The following LRRC8A variants were observed in gnomAD, a reference collection of about 807,000 sequenced individuals.
LRRC8A encodes the protein volume-regulated anion channel subunit LRRC8A.
Under a neutral mutation model 52.5 loss-of-function variants are expected in LRRC8A, and 24 were observed. That is an observed-to-expected ratio of 0.46 (90% CI 0.33 to 0.64). The LOEUF (loss-of-function observed/expected upper bound fraction) is 0.64. Ranked by LOEUF, LRRC8A falls within the 30% of genes least tolerant of loss-of-function variation. The pLI, the probability that LRRC8A is intolerant of heterozygous loss-of-function variation, is 0.02. For synonymous variants in LRRC8A, 492 were observed against 494.2 expected (o/e 1.00, Z 0.06); for missense variants, 677 against 1,094.7 (o/e 0.62, Z 5.38).
rs1462735320 is a variant in LRRC8A at position 128,916,125 on chromosome 9, G to A, written c.2187G>A (p.Gln729=). ...RIETLPPELF[Q]CRKLRALHLG... is the part of the protein sequence containing the mutation. Reference sequence around the variant, plus strand: ...AGACGCTCCCTCCGGAGCTCTTCCAGTGCCGGAAGCTGCGGGCCCTGCACC... The same window carrying A: ...AGACGCTCCCTCCGGAGCTCTTCCAATGCCGGAAGCTGCGGGCCCTGCACC... Residue 729 remains glutamine (Q), a synonymous_variant, in exon 4 of 4, where the codon CAG becomes CAA. Transcript: ENST00000372600. The surrounding 1 kb of genome is among the most constrained non-coding windows in gnomAD (Gnocchi z 6.1). 6.2e-7 allele frequency: 1 copy of A among 1,611,778 alleles called. No homozygotes were observed. Among genetic ancestry groups the A allele is most frequent in the Non-Finnish European group, 8.5e-7 (1 of 1,178,498 alleles).
Position 128,892,304 on chromosome 9 carries a change from C to G in LRRC8A, c.-9+6183C>G, listed in dbSNP as rs1447160681. Among the ~76,000 whole-genome samples the G allele has an allele frequency of 6.6e-6, 1 of 152,166 alleles. No homozygotes were observed. The highest frequency in any genetic ancestry group is 1.5e-5 in the Non-Finnish European group (1 of 68,012). On this transcript the variant is annotated intron_variant, in intron 2 of 3. Transcript: ENST00000372600. This position sits in a 1 kb window ranked among gnomAD's most constrained non-coding sequence, Gnocchi z 5.2. ...CCTGAGGCTGCACCTCCAGCCCCAC[C>G]TGCTGCCTCTCTCTGCTTGGCTCCG...
Position 128,908,469 on chromosome 9 carries a change from C to T in LRRC8A, c.1305C>T (p.Leu435=), listed in dbSNP as rs1479651473. 5.6e-6 allele frequency: 9 copies of T among 1,613,106 alleles called. No homozygotes were observed. In the South Asian group the frequency reaches 9.9e-5, roughly 18 times the overall value. ...QDKLELHLFM[L]SGIPDTVFDL... The stretch of plus-strand genomic sequence containing the variant: ...AGCTGGAGCTGCACCTGTTCATGCT[C>T]AGTGGCATCCCTGACACTGTGTTTG... Residue 435 remains leucine, a synonymous_variant, in exon 3 of 4, where the codon CTC becomes CTT. Transcript: ENST00000372600.
At chr9:128,882,967 T>G in intron 1 of LRRC8A, 2 of 395,008 alleles carry the variant, frequency 5.1e-6, no homozygotes, top group Admixed American at 8.8e-5. Context: ...GCTGGGGTCA[T>G]GGAGTTCATG....
At chr9:128,891,858 G>A (rs1839635729) in intron 2 of LRRC8A, among the ~76,000 whole-genome samples, 1 of 152,096 alleles carries the variant, frequency 6.6e-6, no homozygotes, top group African/African-American at 2.4e-5. Context: ...TGGAAAGTCG[G>A]GCTTGGGGTG....
intron 1 of LRRC8A, among the ~76,000 whole-genome samples, chr9:128,884,745 G>A (rs931612989): frequency 6.6e-6 from 1 of 152,128 alleles, no homozygotes; most frequent in African/African-American, 2.4e-5. Context: ...CTCAGTGGGT[G>A]CCCCATCCTT....
chr9:128,895,451 A>G (rs1403367070), intron 2 of LRRC8A, among the ~76,000 whole-genome samples: 2 of 152,244 alleles, frequency 1.3e-5, no homozygotes, highest in Admixed American at 6.5e-5. Flanking sequence ...TTGAACCTAC[A>G]TGTCCCAAAC....
rs959617529 is a variant in LRRC8A at position 128,917,305 on chromosome 9, T to G, written c.*934T>G. ...TTGTTCCTGGGGAGGGAGGTTTTTTTGTTTGTTTTTTGGGTTTTTTTGGTG... is the reference window on the plus strand; with the variant it reads ...TTGTTCCTGGGGAGGGAGGTTTTTTGGTTTGTTTTTTGGGTTTTTTTGGTG... On this transcript the variant is annotated 3_prime_UTR_variant, in exon 4 of 4. Coordinates refer to ENST00000372600, the MANE Select transcript of LRRC8A (RefSeq NM_019594.4). 5 of 152,408 alleles carry G rather than the reference T, an allele frequency of 3.3e-5. No homozygotes were observed. The highest frequency in any genetic ancestry group is 9.7e-5 in the African/African-American group (4 of 41,358). The allele number at this position is 152,408 out of a possible 1,614,324, so 9.4% of individuals were successfully genotyped here.
intron 2 of LRRC8A, among the ~76,000 whole-genome samples, chr9:128,890,824 G>A (rs568769920): frequency 2.2e-4 from 33 of 152,282 alleles, no homozygotes; most frequent in Non-Finnish European, 1.5e-4. Flanking sequence ...CCTGTAAACC[G>A]TGTGTGGCCG....
Position 128,908,793 on chromosome 9 carries a change from C to CA in LRRC8A, c.1632dup (p.Arg545ThrfsTer33). 6.2e-7 allele frequency: 1 copy of CA among 1,613,444 alleles called. No homozygotes were observed. The highest frequency in any genetic ancestry group is 8.5e-7 in the Non-Finnish European group (1 of 1,180,026). ...TCGTCATCGACGGGCTGCGGGAGCT[C>CA]AAACGCCTCAAGGTGCTGCGGCTCA... On this transcript the variant is annotated frameshift_variant, in exon 3 of 4. Coordinates refer to ENST00000372600, the MANE Select transcript of LRRC8A (RefSeq NM_019594.4). LOFTEE classifies it high-confidence loss of function.
At position 128,908,691 on chromosome 9, in the gene LRRC8A, G is replaced by T; in HGVS notation, c.1527G>T (p.Pro509=). 2 of 1,612,998 alleles carry T rather than the reference G, an allele frequency of 1.2e-6. No homozygotes were observed. The highest frequency in any genetic ancestry group is 1.7e-6 in the Non-Finnish European group (2 of 1,180,020). ...AGTTCACCGACATCAAGGAGATCCC[G>T]CTGTGGATCTATAGCCTGAAGACAC... ...HIKFTDIKEI[P]LWIYSLKTLE... The change falls in exon 3 of 4, where the codon CCG becomes CCT. Residue 509 remains proline, a synonymous_variant. Coordinates refer to ENST00000372600, the MANE Select transcript of LRRC8A (RefSeq NM_019594.4).
At position 128,917,912 on chromosome 9, in the gene LRRC8A, G is replaced by A. The variant is rs924501267; in HGVS notation, c.*1541G>A. 2.0e-4 allele frequency: 31 copies of A among 152,634 alleles called. No homozygotes were observed. Among genetic ancestry groups the A allele is most frequent in the African/African-American group, 6.8e-4 (28 of 41,452 alleles). The allele number at this position is 152,634 out of a possible 1,614,324, so 9.5% of individuals were successfully genotyped here. On this transcript the variant is annotated 3_prime_UTR_variant, in exon 4 of 4. Coordinates refer to ENST00000372600, the MANE Select transcript of LRRC8A (RefSeq NM_019594.4). ...TCCGTCCATTTGTGTTTTCTGCGTCGTGTCATTGGATATAATCCTCAGAAA... is the reference window on the plus strand; with the variant it reads ...TCCGTCCATTTGTGTTTTCTGCGTCATGTCATTGGATATAATCCTCAGAAA...
intron 2 of LRRC8A, among the ~76,000 whole-genome samples, chr9:128,900,540 C>G (rs1435386249): frequency 6.6e-6 from 1 of 151,774 alleles, no homozygotes; most frequent in Non-Finnish European, 1.5e-5. Context: ...GAAACCCTGT[C>G]TCTACTAAAA....
chr9:128,883,929 G>C (rs547236267), intron 1 of LRRC8A, among the ~76,000 whole-genome samples: 1 of 151,842 alleles, frequency 6.6e-6, no homozygotes, highest in Non-Finnish European at 1.5e-5. Flanking sequence ...AGCCAAGATC[G>C]CGCCATTGCA....
At position 128,908,757 on chromosome 9, in the gene LRRC8A, C is replaced by T. The variant is rs1452803981; in HGVS notation, c.1593C>T (p.Asn531=). ...TGACGGGCAACCTGAGCGCGGAGAA[C>T]AACCGCTACATCGTCATCGACGGGC... ...LHLTGNLSAE[N]NRYIVIDGLR... is the part of the protein sequence containing the mutation. The change falls in exon 3 of 4, where the codon AAC becomes AAT. Residue 531 remains asparagine, a synonymous_variant. Transcript: ENST00000372600. 4 of 1,613,172 alleles carry T rather than the reference C, an allele frequency of 2.5e-6. No individual in the cohort carries two copies. The highest frequency in any genetic ancestry group is 1.3e-5 in the African/African-American group (1 of 74,948).
intron 2 of LRRC8A, among the ~76,000 whole-genome samples, chr9:128,895,950 A>T (rs1053613098): frequency 6.6e-6 from 1 of 152,248 alleles, no homozygotes; most frequent in African/African-American, 2.4e-5. Context: ...CAGCTTTGTC[A>T]GACTTCAGTG....
chr9:128,883,296 C>T (rs1330987785), intron 1 of LRRC8A, among the ~76,000 whole-genome samples: 1 of 152,238 alleles, frequency 6.6e-6, no homozygotes, highest in Non-Finnish European at 1.5e-5. Flanking sequence ...TCCACCTCTT[C>T]TGTTAGTAGT....
chr9:128,906,915 G>A (rs925409350), intron 2 of LRRC8A, among the ~76,000 whole-genome samples: 1 of 152,238 alleles, frequency 6.6e-6, no homozygotes, highest in African/African-American at 2.4e-5. Flanking sequence ...GTCTTCCTGT[G>A]TATTAAATGG....
intron 1 of LRRC8A, among the ~76,000 whole-genome samples, chr9:128,885,734 G>T (rs1007855532): frequency 2.0e-5 from 3 of 152,068 alleles, no homozygotes; most frequent in African/African-American, 7.2e-5. Context: ...ATGGGGAAAC[G>T]CTGTCTCTAC....
chr9:128,906,517 T>C (rs984853265), intron 2 of LRRC8A, among the ~76,000 whole-genome samples: 6 of 151,920 alleles, frequency 3.9e-5, no homozygotes, highest in African/African-American at 1.5e-4. Flanking sequence ...GAGACCGAGT[T>C]TCACCATGTT....
Sources: gnomAD v4.1 joint callset for allele counts (sites outside exome capture counted in the v4.1 genomes callset) on GRCh38, gnomAD v4.1.1 for gene constraint, Gnocchi (gnomAD v3.1) non-coding constraint, MANE v1.5 for transcripts, NCBI Gene and HGNC (gene_info 2026-07-23, HGNC 2026-07-21) for gene names.